AXL: variants seen among roughly 807,000 people sequenced by gnomAD.
AXL encodes the protein AXL receptor tyrosine kinase.
A neutral mutation model predicts 104.5 loss-of-function variants in AXL; 52 were observed. That is an observed-to-expected ratio of 0.50 (90% confidence interval 0.40 to 0.63). The LOEUF is 0.63. Ranked by LOEUF, AXL falls within the 20% of genes least tolerant of loss-of-function variation. The pLI, the probability that AXL is intolerant of heterozygous loss-of-function variation, is 0.00. For missense variants in AXL, 1,024 were observed against 1,188.5 expected (o/e 0.86, Z 2.04); for synonymous variants, 455 against 473.7 (o/e 0.96, Z 0.51).
chr19:41,237,939 C>T lies in AXL; in HGVS notation c.784-5C>T, dbSNP rs773696483. 1.9e-6 allele frequency: 3 copies of T among 1,613,486 alleles called. No homozygotes were observed. In the South Asian group the frequency reaches 3.3e-5, roughly 18 times the overall value. On this transcript the variant is annotated splice_polypyrimidine_tract_variant and splice_region_variant and intron_variant, in intron 6 of 19. Coordinates refer to ENST00000301178, the MANE Select transcript of AXL (RefSeq NM_021913.5). ...TCCCGTCCTCACACCCTTGCCTCTC[C>T]TCAGGCTGTGCTGTCAGACGATGGG...
chr19:41,221,159 C>G lies in AXL; in HGVS notation c.322C>G (p.Gln108Glu). 1.2e-6 allele frequency: 2 copies of G among 1,613,952 alleles called. No homozygotes were observed. The highest frequency in any genetic ancestry group is 1.7e-6 in the Non-Finnish European group (2 of 1,179,906). The change falls in exon 3 of 20, where the codon CAG (glutamine) becomes GAG (glutamate). Residue 108 changes from glutamine (Q) to glutamate (E), a missense_variant. Physicochemically the swap from Gln to Glu is conservative, Grantham distance 29. This residue lies in a region of AXL where 41 missense variants were observed against 76.2 expected (regional missense o/e 0.54). Coordinates refer to ENST00000301178, the MANE Select transcript of AXL (RefSeq NM_021913.5). ...TTGCCCTGTCAGAATCACCTCCCTG[C>G]AGCTTTCCGACACGGGACAGTACCA... ...VVSQLRITSL[Q>E]LSDTGQYQCL...
At chr19:41,233,474 C>A (rs2034028007) in intron 6 of AXL, among the ~76,000 whole-genome samples, 2 of 150,922 alleles carry the variant, frequency 1.3e-5, no homozygotes, top group African/African-American at 2.4e-5. Context: ...ACAAAAAATT[C>A]AAAAAAATTA....
chr19:41,222,154 G>A, intron 4 of AXL, 98 bp downstream of exon 4: 1 of 1,264,176 alleles, frequency 7.9e-7, no homozygotes, highest in Non-Finnish European at 1.1e-6. Context: ...GTGTCTGACT[G>A]TCCTTCTGTC....
intron 15 of AXL, 92 bp from the exon 16 acceptor site, chr19:41,252,754 G>C: frequency 6.3e-7 from 1 of 1,584,176 alleles, no homozygotes; most frequent in Non-Finnish European, 8.6e-7. Flanking sequence ...GATTGGATGG[G>C]TAGTGAGAAG....
chr19:41,229,421 C>T (rs902543149), intron 4 of AXL, among the ~76,000 whole-genome samples: 36 of 151,970 alleles, frequency 2.4e-4, no homozygotes, highest in African/African-American at 7.7e-4. Context: ...TGCACCACCA[C>T]ACCCAGCTAA....
At chr19:41,233,459 T>C (rs1210084882) in intron 6 of AXL, among the ~76,000 whole-genome samples, 1 of 150,838 alleles carries the variant, frequency 6.6e-6, no homozygotes, top group Non-Finnish European at 1.5e-5. Context: ...CTGAGGCAGG[T>C]CTGTACAAAA....
intron 17 of AXL, among the ~76,000 whole-genome samples, chr19:41,254,100 G>A (rs1326118397): frequency 6.6e-6 from 1 of 151,674 alleles, no homozygotes; most frequent in Admixed American, 6.6e-5. Flanking sequence ...CCCCACCAAT[G>A]GACAAGCAGA....
rs1415903927 is a variant in AXL, at chr19:41,229,909, GAGTT to G, written c.587-1054_587-1051del. On this transcript the variant is annotated intron_variant, in intron 4 of 19. Coordinates refer to ENST00000301178, the MANE Select transcript of AXL (RefSeq NM_021913.5). ...TGTGTGCTCATACTTGTGTCCTTGT[GAGTT>G]AGTGAGGGTGCCTGTGTTTGTGCAT... 2.0e-5 allele frequency among the ~76,000 whole-genome samples: 3 copies of G among 152,220 alleles called. No homozygotes were observed. The East Asian group carries it at 5.8e-4, about 29-fold the overall frequency.
chr19:41,220,586 C>T lies in AXL; in HGVS notation c.86-50C>T, dbSNP rs1358666479. On this transcript the variant is annotated intron_variant, in intron 1 of 19. Coordinates refer to ENST00000301178, the MANE Select transcript of AXL (RefSeq NM_021913.5). ...GCAAGGACAGGGTGGAACTGAGGGC[C>T]GGAAGGAGCTGGGGGGTTCCTAAGC... 60 of 1,489,456 alleles carry T rather than the reference C, an allele frequency of 4.0e-5. 1 individual carries two copies. The highest frequency in any genetic ancestry group is 1.5e-4 in the East Asian group (6 of 40,512). The allele number at this position is 1,489,456 out of a possible 1,614,324, so 92.3% of individuals were successfully genotyped here.
chr19:41,224,279 A>T (rs1179095455), intron 4 of AXL, among the ~76,000 whole-genome samples: 1 of 152,086 alleles, frequency 6.6e-6, no homozygotes, highest in Admixed American at 6.6e-5. Context: ...ACAGGTGTGC[A>T]GCTATGGGTG....
intron 17 of AXL, among the ~76,000 whole-genome samples, chr19:41,254,390 A>AAAGAAAGAAAG (rs1490623146): frequency 1.4e-5 from 2 of 145,288 alleles, no homozygotes; most frequent in African/African-American, 5.2e-5. Flanking sequence ...AAAAAAAAAA[A>AAAGAAAGAAAG]AAAGAAAGAA....
rs1484125720 is a variant in AXL, at chr19:41,260,747, T to C, written c.*843T>C. On this transcript the variant is annotated 3_prime_UTR_variant, in exon 20 of 20. Coordinates refer to ENST00000301178, the MANE Select transcript of AXL (RefSeq NM_021913.5). ...TTTAGGAGCTAAGGCTCTATGAGTC[T>C]AGATGTTTATTCTTCTAGAGTTCAG... 6.6e-6 allele frequency: 1 copy of C among 152,224 alleles called. No homozygotes were observed. The highest frequency in any genetic ancestry group is 1.5e-5 in the Non-Finnish European group (1 of 68,034). 9.4% of individuals were successfully genotyped at this position (152,224 alleles called of 1,614,324 possible). A position where few individuals can be genotyped will look rare whatever the true frequency, so the allele number is the denominator to read the frequency against.
In AXL at chr19:41,225,830, T is replaced by G. The variant is rs80264902; in HGVS notation, c.586+3774T>G. ...CCCTGTGTGTTTAAGTGTGATTCATTGTGAGTGTGTGTGTGGGGGGGTTTG... is the reference window on the plus strand; with the variant it reads ...CCCTGTGTGTTTAAGTGTGATTCATGGTGAGTGTGTGTGTGGGGGGGTTTG... On this transcript the variant is annotated intron_variant, in intron 4 of 19. Transcript: ENST00000301178. 5.1e-4 allele frequency among the ~76,000 whole-genome samples: 77 copies of G among 152,180 alleles called. 1 individual carries two copies. Among genetic ancestry groups the G allele is most frequent in the Non-Finnish European group, 9.6e-4 (65 of 67,990 alleles).
At chr19:41,250,560 A>G (rs1193702705) in intron 14 of AXL, among the ~76,000 whole-genome samples, 1 of 152,184 alleles carries the variant, frequency 6.6e-6, no homozygotes. Flanking sequence ...CTTCTGCCTC[A>G]GCCTCCTGAG....
intron 6 of AXL, among the ~76,000 whole-genome samples, chr19:41,235,374 ATAGATAGATAGATAGATAGATAG>A (rs577100215): frequency 0.18 from 24,855 of 134,526 alleles, 2,225 homozygotes; most frequent in East Asian, 0.32. Flanking sequence ...AAATAAATAG[ATAGATAGATAGATAGATAGATAG>A]ATAGATAGAT....
chr19:41,234,152 T>A (rs1213496558), intron 6 of AXL, among the ~76,000 whole-genome samples: 1 of 152,070 alleles, frequency 6.6e-6, no homozygotes, highest in African/African-American at 2.4e-5. Context: ...GTCATCTCCC[T>A]CCATGGGGGC....
At position 41,242,990 on chromosome 19, in the gene AXL, C is replaced by A. The variant is rs138883984; in HGVS notation, c.1420C>A (p.Arg474=). 6.2e-7 allele frequency: 1 copy of A among 1,614,156 alleles called. No individual in the cohort carries two copies. The highest frequency in any genetic ancestry group is 1.7e-5 in the Admixed American group (1 of 60,014). ...CATCTTGGCTCTCTTCCTTGTCCACCGGCGAAAGAAGGAGACCCGTTATGG... is the reference window on the plus strand; with the variant it reads ...CATCTTGGCTCTCTTCCTTGTCCACAGGCGAAAGAAGGAGACCCGTTATGG... ...VLILALFLVH[R]RKKETRYGEV... is the part of the protein sequence containing the mutation. The change falls in exon 11 of 20, where the codon CGG becomes AGG. Residue 474 remains arginine, a synonymous_variant. Transcript: ENST00000301178.
chr19:41,248,771 G>A lies in AXL; in HGVS notation c.1662G>A (p.Gln554=), dbSNP rs2122264982. ...EGEFGAVMEG[Q]LNQDDSILKV... is the part of the protein sequence containing the mutation. ...AGTTTGGAGCTGTGATGGAAGGCCA[G>A]CTCAACCAGGACGACTCCATCCTCA... The change falls in exon 14 of 20, where the codon CAG becomes CAA. Residue 554 remains glutamine, a synonymous_variant. Transcript: ENST00000301178. The A allele has an allele frequency of 1.2e-6, 2 of 1,614,084 alleles. No individual in the cohort carries two copies. Among genetic ancestry groups the A allele is most frequent in the Non-Finnish European group, 1.7e-6 (2 of 1,179,992 alleles).
At chr19:41,243,552 G>T in intron 11 of AXL, 64 bp from the exon 12 acceptor site, 1 of 1,266,566 alleles carries the variant, frequency 7.9e-7, no homozygotes, top group Admixed American at 1.7e-5. Context: ...TTGCTCAACT[G>T]CTGGTTGAGT....
Sources: allele counts gnomAD v4.1 joint callset (sites outside exome capture counted in the v4.1 genomes callset), GRCh38; gene constraint gnomAD v4.1.1; regional missense constraint gnomAD v4.1.1; transcripts MANE v1.5; gene names NCBI Gene and HGNC (gene_info 2026-07-23, HGNC 2026-07-21).